The following AKR1B1 variants were observed in gnomAD, a reference collection of about 807,000 sequenced individuals.
AKR1B1 encodes aldo-keto reductase family 1 member B1.
Under a neutral mutation model 40.4 loss-of-function variants are expected in AKR1B1, and 22 were observed. That is an observed-to-expected ratio of 0.54 (90% CI 0.39 to 0.78). The LOEUF (loss-of-function observed/expected upper bound fraction) is 0.78, where lower values mean the gene tolerates loss of function less well. Among genes scored for constraint, AKR1B1 ranks in the 30% least tolerant of loss-of-function variants. AKR1B1 has a pLI of 0.00. For missense variants in AKR1B1, 357 were observed against 396.7 expected (o/e 0.90, Z 0.85); for synonymous variants, 157 against 149.9 (o/e 1.05, Z -0.35).
At chr7:134,456,500 C>T (rs376267522) in intron 1 of AKR1B1, among the ~76,000 whole-genome samples, 28 of 151,838 alleles carry the variant, frequency 1.8e-4, no homozygotes, top group African/African-American at 5.8e-4. Flanking sequence ...CGCCCGGCCC[C>T]AGGGAAAGGT....
chr7:134,443,412 CA>C (rs35632302), intron 9 of AKR1B1, among the ~76,000 whole-genome samples: 74 of 137,782 alleles, frequency 5.4e-4, no homozygotes, highest in African/African-American at 5.6e-4. Flanking sequence ...GAGCCCATTT[CA>C]AAAAAAAAAA....
chr7:134,453,983 G>C (rs1035099006), intron 1 of AKR1B1, among the ~76,000 whole-genome samples: 5 of 152,074 alleles, frequency 3.3e-5, no homozygotes, highest in Non-Finnish European at 5.9e-5. Context: ...TGTCAACAAA[G>C]AGAAAATGCA....
Position 134,447,349 on chromosome 7 carries a change from C to G in AKR1B1, c.774G>C (p.Leu258Phe), listed in dbSNP as rs773615800. 1 of 1,614,144 alleles carries G rather than the reference C, an allele frequency of 6.2e-7. No homozygotes were observed. Among genetic ancestry groups the G allele is most frequent in the Non-Finnish European group, 8.5e-7 (1 of 1,180,030 alleles). The change falls in exon 8 of 10, where the codon TTG becomes TTC. Residue 258 changes from leucine (L) to phenylalanine (F), a missense_variant. Physicochemically the swap from Leu to Phe is conservative, Grantham distance 22 (BLOSUM62 0). Transcript: ENST00000285930. Reference protein sequence around the residue: ...VLIRFPMQRNLVVIPKSVTPE... With the variant: ...VLIRFPMQRNFVVIPKSVTPE... ...GTGTCACAGACTTGGGGATCACCAC[C>G]AAGTTCCTCTGCATGGGGAACCGGA...
At chr7:134,457,226 C>T (rs929813643) in intron 1 of AKR1B1, among the ~76,000 whole-genome samples, 1 of 151,874 alleles carries the variant, frequency 6.6e-6, no homozygotes, top group Non-Finnish European at 1.5e-5. Context: ...GGAGGTATGA[C>T]AATAATTTTT....
In AKR1B1 at chr7:134,457,064, A is replaced by G. The variant is rs7778371; in HGVS notation, c.66+1933T>C. ...GAGGTATGAGGACCACTTGAGCCCA[A>G]GAGGTTAAGGCTACAGTGAATCATG... On this transcript the variant is annotated intron_variant, in intron 1 of 9. Coordinates refer to ENST00000285930, the MANE Select transcript of AKR1B1 (RefSeq NM_001628.4). Among the ~76,000 whole-genome samples, 89 of 152,104 alleles carry G rather than the reference A, an allele frequency of 5.9e-4. 1 individual carries two copies. Among genetic ancestry groups the G allele is most frequent in the African/African-American group, 2.0e-3 (85 of 41,496 alleles).
intron 1 of AKR1B1, among the ~76,000 whole-genome samples, chr7:134,452,062 T>C: frequency 6.6e-6 from 1 of 152,202 alleles, no homozygotes; most frequent in East Asian, 1.9e-4. Context: ...TGCAAACCAC[T>C]GTATTAAAAA....
chr7:134,453,503 G>C (rs978840146), intron 1 of AKR1B1, among the ~76,000 whole-genome samples: 13 of 152,078 alleles, frequency 8.5e-5, no homozygotes, highest in Non-Finnish European at 1.5e-5. Flanking sequence ...GCTGTTGTTT[G>C]GGGAAGTCAA....
intron 2 of AKR1B1, chr7:134,451,217 C>T (rs899430311): frequency 5.6e-6 from 3 of 537,846 alleles, no homozygotes; most frequent in Non-Finnish European, 1.0e-5. Flanking sequence ...CCCCATCCTC[C>T]TGCCTCATGT....
chr7:134,448,624 C>A lies in AKR1B1; in HGVS notation c.553-131G>T, dbSNP rs1004534848. On this transcript the variant is annotated intron_variant, in intron 5 of 9. Coordinates refer to ENST00000285930, the MANE Select transcript of AKR1B1 (RefSeq NM_001628.4). ...CTATGTATAACAAACACCCTATTTC[C>A]CAGATAAGCTGTAACTTCCTACAGT... is the stretch of plus-strand genomic sequence containing the variant. 1.3e-5 allele frequency: 10 copies of A among 747,836 alleles called. No individual in the cohort carries two copies. In the African/African-American group the frequency reaches 1.7e-4, roughly 13 times the overall value. 46.3% of individuals were successfully genotyped at this position (747,836 alleles called of 1,614,324 possible).
chr7:134,446,287 C>T (rs1424642395), intron 8 of AKR1B1, among the ~76,000 whole-genome samples: 2 of 152,166 alleles, frequency 1.3e-5, no homozygotes, highest in Non-Finnish European at 2.9e-5. Flanking sequence ...AGAAGAAAAA[C>T]GTCTCCTCTC....
At chr7:134,458,067 C>T (rs1435287164) in intron 1 of AKR1B1, among the ~76,000 whole-genome samples, 2 of 152,352 alleles carry the variant, frequency 1.3e-5, no homozygotes, top group South Asian at 2.1e-4. Flanking sequence ...ATATGCAATA[C>T]TTAGAAGGTT....
chr7:134,450,908 C>A lies in AKR1B1; in HGVS notation c.235-6G>T, dbSNP rs2117457028. 2 of 1,611,708 alleles carry A rather than the reference C, an allele frequency of 1.2e-6. No homozygotes were observed. Among genetic ancestry groups the A allele is most frequent in the South Asian group, 2.2e-5 (2 of 91,044 alleles). ...TCATGGTACGTGCACCACAGCTAAGCCAGCGAGAGGGCACATGTCATCATT... is the reference window on the plus strand; with the variant it reads ...TCATGGTACGTGCACCACAGCTAAGACAGCGAGAGGGCACATGTCATCATT... On this transcript the variant is annotated splice_polypyrimidine_tract_variant and splice_region_variant and intron_variant, in intron 2 of 9. Coordinates refer to ENST00000285930, the MANE Select transcript of AKR1B1 (RefSeq NM_001628.4).
chr7:134,458,919 ACTCGGGGTCC>A, intron 1 of AKR1B1, 68 bp downstream of exon 1: 1 of 1,489,708 alleles, frequency 6.7e-7, no homozygotes. Context: ...GCTCAGGGTC[ACTCGGGGTCC>A]CTCGCCAATA....
At chr7:134,448,947 G>C in intron 5 of AKR1B1, 50 bp downstream of exon 5, 5 of 1,612,628 alleles carry the variant, frequency 3.1e-6, no homozygotes, top group Non-Finnish European at 4.2e-6. Flanking sequence ...ACCAGCATCA[G>C]ACAGTAAAAC....
Position 134,451,567 on chromosome 7 carries a change from C to T in AKR1B1, c.234+19G>A. 1 of 1,613,028 alleles carries T rather than the reference C, an allele frequency of 6.2e-7. No homozygotes were observed. On this transcript the variant is annotated intron_variant, in intron 2 of 9. Transcript: ENST00000285930. Reference sequence around the variant, plus strand: ...TGATGGGACCGAGAGCCCCTTCCAGCCCCACCGCGGAACGATACCTTGCTG... The same window carrying T: ...TGATGGGACCGAGAGCCCCTTCCAGTCCCACCGCGGAACGATACCTTGCTG...
intron 9 of AKR1B1, among the ~76,000 whole-genome samples, chr7:134,443,672 G>C (rs1380892252): frequency 6.6e-6 from 1 of 151,454 alleles, no homozygotes; most frequent in African/African-American, 2.4e-5. Context: ...GCTGTGCTAG[G>C]AACATAAAGG....
intron 9 of AKR1B1, among the ~76,000 whole-genome samples, chr7:134,444,092 G>A (rs571984593): frequency 1.4e-4 from 21 of 152,266 alleles, no homozygotes; most frequent in Middle Eastern, 3.4e-3. Context: ...AAAGGAAGAC[G>A]GATGAATGGG....
intron 1 of AKR1B1, among the ~76,000 whole-genome samples, chr7:134,457,191 A>C (rs1417201084): frequency 6.6e-6 from 1 of 152,168 alleles, no homozygotes; most frequent in Non-Finnish European, 1.5e-5. Flanking sequence ...TGATTTTCAA[A>C]TGATGGGTCA....
Position 134,443,555 on chromosome 7 carries a change from A to G in AKR1B1, c.909-785T>C, listed in dbSNP as rs143841345. ...AGCCCAATCAACGGTCGGCGATTTT[A>G]TATTGGAAACAGGGCAGGGAGCACA... On this transcript the variant is annotated intron_variant, in intron 9 of 9. Transcript: ENST00000285930. Among the ~76,000 whole-genome samples, 547 of 152,030 alleles carry G rather than the reference A, an allele frequency of 3.6e-3. 2 individuals carry two copies. Among genetic ancestry groups the G allele is most frequent in the African/African-American group, 0.012 (514 of 41,446 alleles).
Sources: allele counts gnomAD v4.1 joint callset (sites outside exome capture counted in the v4.1 genomes callset), GRCh38; gene constraint gnomAD v4.1.1; transcripts MANE v1.5; gene names NCBI Gene and HGNC (gene_info 2026-07-23, HGNC 2026-07-21).